Variants in IDE observed in about 807,000 individuals in gnomAD.
The protein encoded by IDE is insulin-degrading enzyme.
In IDE, 58 loss-of-function variants were observed where a neutral mutation model predicts 133.2. The observed-to-expected ratio is 0.44, with a 90% CI of 0.35 to 0.54. The LOEUF (loss-of-function observed/expected upper bound fraction) is 0.54. Among genes scored for constraint, IDE ranks in the 20% least tolerant of loss-of-function variants. IDE has a pLI of 0.00. For missense variants in IDE, 981 were observed against 1,234.0 expected (o/e 0.79, Z 3.07); for synonymous variants, 396 against 421.3 (o/e 0.94, Z 0.73).
chr10:92,501,362 TAAAAAAAAA>T (rs55861862), intron 11 of IDE, among the ~76,000 whole-genome samples: 2,010 of 19,084 alleles, frequency 0.11, 41 homozygotes, highest in Admixed American at 0.17. Flanking sequence ...ACTCTGTCAT[TAAAAAAAAA>T]AAAAAAAAAA....
chr10:92,483,171 T>C (rs1204443043), intron 14 of IDE, 84 bp downstream of exon 14: 3 of 672,418 alleles, frequency 4.5e-6, no homozygotes, highest in African/African-American at 1.8e-5. Flanking sequence ...TTTCTAGACA[T>C]GGATGTTTAA....
rs1843926958 is a variant in IDE, at chr10:92,573,902, G to A, written c.98+20C>T. The stretch of plus-strand genomic sequence containing the variant: ...TGTGACCCACGGGGCCCGAGGGCCC[G>A]GGCGCTCCATTCCGCTTACCCACAC... On this transcript the variant is annotated intron_variant, in intron 1 of 24. Transcript: ENST00000265986. 2 of 1,438,806 alleles carry A rather than the reference G, an allele frequency of 1.4e-6. No homozygotes were observed. Among genetic ancestry groups the A allele is most frequent in the South Asian group, 1.4e-5 (1 of 70,610 alleles). The allele number at this position is 1,438,806 out of a possible 1,614,324, so 89.1% of individuals were successfully genotyped here.
chr10:92,538,316 G>A (rs1234760796), intron 1 of IDE, among the ~76,000 whole-genome samples: 2 of 151,956 alleles, frequency 1.3e-5, no homozygotes, highest in Admixed American at 6.6e-5. Flanking sequence ...TCTGGAACTC[G>A]CAGGTCTGAC....
intron 1 of IDE, among the ~76,000 whole-genome samples, chr10:92,545,071 G>A (rs1397541486): frequency 6.6e-6 from 1 of 151,944 alleles, no homozygotes; most frequent in South Asian, 2.1e-4. Flanking sequence ...TCAGCAAACT[G>A]GAATTAAATT....
intron 1 of IDE, chr10:92,572,938 G>A (rs1301150881): frequency 1.0e-6 from 1 of 985,216 alleles, no homozygotes; most frequent in African/African-American, 1.7e-5. Flanking sequence ...AATTCCCGTG[G>A]CATCCCAATC....
chr10:92,518,094 A>G (rs548937774), intron 4 of IDE, among the ~76,000 whole-genome samples: 12 of 152,122 alleles, frequency 7.9e-5, no homozygotes, highest in African/African-American at 2.9e-4. Context: ...CTTTTGCTGG[A>G]GAATGTTTGA....
In IDE at chr10:92,574,048, A is replaced by C; in HGVS notation, c.-29T>G. ...CCAGCGCAGTCGCCGGGATCACCGC[A>C]AACGCTTCCTGCTTGCGCTTCGAGC... On this transcript the variant is annotated 5_prime_UTR_variant, in exon 1 of 25. Coordinates refer to ENST00000265986, the MANE Select transcript of IDE (RefSeq NM_004969.4). The C allele has an allele frequency of 1.3e-6, 2 of 1,485,900 alleles. No individual in the cohort carries two copies. The highest frequency in any genetic ancestry group is 1.4e-5 in the African/African-American group (1 of 69,040). 92.0% of individuals were successfully genotyped at this position (1,485,900 alleles called of 1,614,324 possible).
chr10:92,506,572 C>CT, intron 9 of IDE, 50 bp from the exon 10 acceptor site: 3 of 857,658 alleles, frequency 3.5e-6, no homozygotes, highest in South Asian at 3.2e-5. Flanking sequence ...TATTTAGAAA[C>CT]CTTTTTTTTT....
chr10:92,468,687 A>T (rs1254021292), intron 19 of IDE, among the ~76,000 whole-genome samples, 192 bp downstream of exon 19: 1 of 152,156 alleles, frequency 6.6e-6, no homozygotes, highest in African/African-American at 2.4e-5. Context: ...CCTATCTCCA[A>T]TTTTACTTAT....
chr10:92,526,978 T>C (rs1376657622), intron 4 of IDE, among the ~76,000 whole-genome samples: 1 of 151,430 alleles, frequency 6.6e-6, no homozygotes, highest in African/African-American at 2.4e-5. Context: ...TACCACCACA[T>C]CTAGCTTTTT....
chr10:92,507,814 C>T (rs1848376395), intron 8 of IDE, 148 bp from the exon 9 acceptor site: 3 of 637,218 alleles, frequency 4.7e-6, no homozygotes, highest in Admixed American at 2.7e-5. Context: ...TTTACGTGTC[C>T]CACATACATG....
At chr10:92,463,201 C>T (rs1001364472) in intron 21 of IDE, among the ~76,000 whole-genome samples, 3 of 152,198 alleles carry the variant, frequency 2.0e-5, no homozygotes, top group African/African-American at 7.2e-5. Context: ...TTAGCACAAT[C>T]CGTTGTTAAT....
At chr10:92,538,081 C>A (rs1351605652) in intron 1 of IDE, among the ~76,000 whole-genome samples, 3 of 152,078 alleles carry the variant, frequency 2.0e-5, no homozygotes, top group African/African-American at 7.2e-5. Context: ...AACTTGTTAC[C>A]CATGCTGGTC....
intron 1 of IDE, among the ~76,000 whole-genome samples, chr10:92,562,460 G>A (rs1374804650): frequency 6.6e-6 from 1 of 152,230 alleles, no homozygotes; most frequent in Non-Finnish European, 1.5e-5. Flanking sequence ...GAATAACCAA[G>A]TGTCAAGTCA....
At chr10:92,520,722 T>C (rs1232015079) in intron 4 of IDE, among the ~76,000 whole-genome samples, 1 of 152,212 alleles carries the variant, frequency 6.6e-6, no homozygotes, top group East Asian at 1.9e-4. Context: ...GCTGAGTAAG[T>C]ATATGCAAGT....
chr10:92,478,752 T>C (rs1846428072), intron 15 of IDE: 5 of 1,269,818 alleles, frequency 3.9e-6, no homozygotes, highest in Non-Finnish European at 5.1e-6. Context: ...AACAGGTATG[T>C]CATGTTGCAA....
At chr10:92,499,537 A>G (rs1847897435) in intron 11 of IDE, among the ~76,000 whole-genome samples, 1 of 152,022 alleles carries the variant, frequency 6.6e-6, no homozygotes, top group South Asian at 2.1e-4. Context: ...GGCTCAAGTG[A>G]TCCTTCTGCC....
chr10:92,479,530 G>T (rs1846479496), intron 14 of IDE, 109 bp from the exon 15 acceptor site: 1 of 809,824 alleles, frequency 1.2e-6, no homozygotes, highest in East Asian at 2.6e-5. Flanking sequence ...GATTTCCTGA[G>T]GATATGGTTG....
Position 92,452,737 on chromosome 10 carries a change from G to A in IDE, c.*1707C>T, listed in dbSNP as rs1322473236. 1.3e-5 allele frequency: 2 copies of A among 152,184 alleles called. No homozygotes were observed. The highest frequency in any genetic ancestry group is 4.8e-5 in the African/African-American group (2 of 41,442). 9.4% of individuals were successfully genotyped at this position (152,184 alleles called of 1,614,324 possible). ...TTATTTACTAGTACAGTGGTGGATC[G>A]GAACACTCAGGCCTAATTTCAGATC... On this transcript the variant is annotated 3_prime_UTR_variant, in exon 25 of 25. Transcript: ENST00000265986.
Sources: gnomAD v4.1 joint callset for allele counts (sites outside exome capture counted in the v4.1 genomes callset) on GRCh38, gnomAD v4.1.1 for gene constraint, MANE v1.5 for transcripts, NCBI Gene and HGNC (gene_info 2026-07-23, HGNC 2026-07-21) for gene names.